ARHGAP10: variants seen among roughly 807,000 people sequenced by gnomAD.
ARHGAP10 encodes the protein rho GTPase-activating protein 10.
In ARHGAP10, 87 loss-of-function variants were observed where a neutral mutation model predicts 108.6. The ratio of observed to expected loss-of-function variants is 0.80; its 90% CI spans 0.67 to 0.96. The LOEUF is 0.96. Among genes scored for constraint, ARHGAP10 ranks in the 40% least tolerant of loss-of-function variants. The probability of loss-of-function intolerance (pLI) is 0.00; values close to 1 mark genes in which losing one functional copy is unlikely to be tolerated. For synonymous variants in ARHGAP10, 347 were observed against 341.1 expected (o/e 1.02, Z -0.19); for missense variants, 939 against 954.5 (o/e 0.98, Z 0.21).
chr4:148,061,408 G>C (rs6853741), intron 20 of ARHGAP10, among the ~76,000 whole-genome samples: 1 of 151,982 alleles, frequency 6.6e-6, no homozygotes, highest in Admixed American at 6.5e-5. Flanking sequence ...CTTCACTCAC[G>C]CCTACCTGTC....
chr4:148,035,598 G>A (rs1374328918), intron 19 of ARHGAP10, among the ~76,000 whole-genome samples: 1 of 152,164 alleles, frequency 6.6e-6, no homozygotes, highest in African/African-American at 2.4e-5. Flanking sequence ...AAAATGAAAC[G>A]GGAGGAGTGA....
At chr4:148,016,423 A>G (rs1741348792) in intron 18 of ARHGAP10, among the ~76,000 whole-genome samples, 1 of 152,106 alleles carries the variant, frequency 6.6e-6, no homozygotes, top group Non-Finnish European at 1.5e-5. Flanking sequence ...GGATTGCTTG[A>G]GCTCAGGAGT....
intron 10 of ARHGAP10, among the ~76,000 whole-genome samples, chr4:147,889,421 T>TC (rs1027634532): frequency 2.0e-5 from 3 of 152,192 alleles, no homozygotes; most frequent in African/African-American, 7.2e-5. Flanking sequence ...TGCCTCAGCC[T>TC]CCCAGGTAGC....
At chr4:147,902,369 C>T (rs547595883) in intron 10 of ARHGAP10, among the ~76,000 whole-genome samples, 5 of 152,270 alleles carry the variant, frequency 3.3e-5, no homozygotes, top group African/African-American at 1.2e-4. Context: ...AAATCCTTAG[C>T]ATGGTGTATT....
intron 6 of ARHGAP10, chr4:147,865,528 G>T (rs1734520227): frequency 6.6e-6 from 1 of 152,324 alleles, no homozygotes; most frequent in African/African-American, 2.4e-5. Context: ...GAAGATGTAT[G>T]CACATGAATG....
intron 13 of ARHGAP10, among the ~76,000 whole-genome samples, chr4:147,927,680 T>C (rs998906024): frequency 4.6e-5 from 7 of 152,274 alleles, no homozygotes; most frequent in South Asian, 2.1e-4. Context: ...GCCAGACTTA[T>C]CCTATGGCAG....
chr4:147,732,178 G>A lies in ARHGAP10; in HGVS notation c.-124G>A. The stretch of plus-strand genomic sequence containing the variant: ...GACATGTCCGTGCCGCGCTCGCCGC[G>A]CGCCCGGGCCTGCTAGCTCCTCTGT... On this transcript the variant is annotated 5_prime_UTR_variant, in exon 1 of 23. Coordinates refer to ENST00000336498, the MANE Select transcript of ARHGAP10 (RefSeq NM_024605.4). 2.0e-6 allele frequency: 2 copies of A among 976,812 alleles called. No homozygotes were observed. The highest frequency in any genetic ancestry group is 2.7e-6 in the Non-Finnish European group (2 of 732,132). The allele number at this position is 976,812 out of a possible 1,614,324, so 60.5% of individuals were successfully genotyped here.
rs112095776 is a variant in ARHGAP10 at position 147,741,792 on chromosome 4, G to GCACACACA, written c.154+9367_154+9374dup. On this transcript the variant is annotated intron_variant, in intron 1 of 22. Transcript: ENST00000336498. Reference sequence around the variant, plus strand: ...TACACACACACACACACACACACACGCACACACACACACACACACACACAC... The same window carrying GCACACACA: ...TACACACACACACACACACACACACGCACACACACACACACACACACACACACACACAC... Among the ~76,000 whole-genome samples, 281 of 57,646 alleles carry GCACACACA rather than the reference G, an allele frequency of 4.9e-3. 5 individuals are homozygous for GCACACACA. Among genetic ancestry groups the GCACACACA allele is most frequent in the Middle Eastern group, 0.027 (3 of 110 alleles). 37.8% of individuals were successfully genotyped at this position (57,646 alleles called of 152,430 possible).
chr4:147,782,959 A>G (rs1730604397), intron 1 of ARHGAP10, among the ~76,000 whole-genome samples: 1 of 140,086 alleles, frequency 7.1e-6, no homozygotes, highest in Admixed American at 7.4e-5. Flanking sequence ...TAAATTATAT[A>G]TAATATATTA....
chr4:148,064,649 C>T (rs41280455), intron 22 of ARHGAP10, 142 bp downstream of exon 22: 115 of 703,382 alleles, frequency 1.6e-4, no homozygotes, highest in Non-Finnish European at 2.4e-4. Flanking sequence ...TAAGCGGCTG[C>T]GTTAGGCTCC....
intron 4 of ARHGAP10, 38 bp downstream of exon 4, chr4:147,847,260 T>A (rs1346808989): frequency 1.3e-6 from 2 of 1,516,752 alleles, no homozygotes; most frequent in Non-Finnish European, 1.8e-6. Flanking sequence ...AAAACATAGA[T>A]GCCTCTGCTG....
At chr4:147,734,151 C>T (rs1357143967) in intron 1 of ARHGAP10, among the ~76,000 whole-genome samples, 4 of 152,154 alleles carry the variant, frequency 2.6e-5, no homozygotes, top group Admixed American at 1.3e-4. Flanking sequence ...AATGTACCTT[C>T]TCTCTCATTG....
intron 3 of ARHGAP10, among the ~76,000 whole-genome samples, chr4:147,840,798 G>A (rs758399554): frequency 9.9e-5 from 15 of 152,144 alleles, no homozygotes; most frequent in Non-Finnish European, 2.1e-4. Context: ...TCTTTAGCTC[G>A]AGAGCTCCTT....
intron 1 of ARHGAP10, among the ~76,000 whole-genome samples, chr4:147,735,668 A>G (rs1053356274): frequency 2.0e-5 from 3 of 152,174 alleles, no homozygotes; most frequent in Admixed American, 2.0e-4. Flanking sequence ...GTTTAGAGAC[A>G]GTATCGCACA....
intron 18 of ARHGAP10, among the ~76,000 whole-genome samples, chr4:147,983,187 G>GTTT (rs34988080): frequency 1.7e-4 from 23 of 131,582 alleles, no homozygotes; most frequent in East Asian, 4.6e-4. Flanking sequence ...TGGCTGCTTT[G>GTTT]TTTTTTTTTT....
intron 1 of ARHGAP10, among the ~76,000 whole-genome samples, chr4:147,747,441 T>A (rs1728979744): frequency 6.6e-6 from 1 of 152,202 alleles, no homozygotes; most frequent in Non-Finnish European, 1.5e-5. Context: ...CTAGAAGAAA[T>A]AAATGCTTAC....
At chr4:147,765,547 C>G (rs1263173293) in intron 1 of ARHGAP10, among the ~76,000 whole-genome samples, 1 of 152,216 alleles carries the variant, frequency 6.6e-6, no homozygotes, top group Non-Finnish European at 1.5e-5. Context: ...TGCCTGTAAT[C>G]ACAGCACTTT....
intron 18 of ARHGAP10, among the ~76,000 whole-genome samples, chr4:147,984,248 C>T (rs1739941540): frequency 6.6e-6 from 1 of 152,206 alleles, no homozygotes; most frequent in African/African-American, 2.4e-5. Context: ...AAAGCGCCCT[C>T]CCCCAGTACA....
At chr4:148,031,953 A>T (rs1281241917) in intron 19 of ARHGAP10, among the ~76,000 whole-genome samples, 1 of 152,172 alleles carries the variant, frequency 6.6e-6, no homozygotes, top group Non-Finnish European at 1.5e-5. Context: ...ATGAACAAAC[A>T]TCTGGTCATG....
Sources: gnomAD v4.1 joint callset for allele counts (sites outside exome capture counted in the v4.1 genomes callset) on GRCh38, gnomAD v4.1.1 for gene constraint, MANE v1.5 for transcripts, NCBI Gene and HGNC (gene_info 2026-07-23, HGNC 2026-07-21) for gene names.